Variants in FCHO2 observed in about 807,000 individuals in gnomAD.
FCHO2 encodes the protein F-BAR domain only protein 2.
In FCHO2, 43 loss-of-function variants were observed where a neutral mutation model predicts 114.1. The observed-to-expected ratio is 0.38, with a 90% CI of 0.30 to 0.49. The LOEUF is 0.49. FCHO2 is among the 20% of genes least tolerant of loss of function. The pLI, the probability that FCHO2 is intolerant of heterozygous loss-of-function variation, is 0.97. For synonymous variants in FCHO2, 293 were observed against 315.2 expected (o/e 0.93, Z 0.75); for missense variants, 807 against 950.4 (o/e 0.85, Z 1.98).
chr5:73,040,399 A>T (rs1415647002), intron 10 of FCHO2, among the ~76,000 whole-genome samples: 1 of 152,184 alleles, frequency 6.6e-6, no homozygotes, highest in African/African-American at 2.4e-5. Context: ...AGGGATGCTC[A>T]GCCTGCTTTG....
intron 18 of FCHO2, among the ~76,000 whole-genome samples, chr5:73,065,094 G>A (rs1354410761): frequency 1.3e-5 from 2 of 151,804 alleles, no homozygotes; most frequent in African/African-American, 4.8e-5. Context: ...GAAAAGCTTC[G>A]GCACCAAGTA....
At chr5:73,016,108 A>G (rs1325726245) in intron 7 of FCHO2, among the ~76,000 whole-genome samples, 1 of 152,072 alleles carries the variant, frequency 6.6e-6, no homozygotes, top group Non-Finnish European at 1.5e-5. Context: ...TTTAATGATG[A>G]CAATTTGGGG....
At chr5:72,989,591 G>A (rs549342427) in intron 3 of FCHO2, 90 bp downstream of exon 3, 4 of 895,416 alleles carry the variant, frequency 4.5e-6, no homozygotes, top group African/African-American at 3.4e-5. Context: ...CAGTTCAAAA[G>A]CATAGTAAAA....
intron 16 of FCHO2, among the ~76,000 whole-genome samples, chr5:73,057,379 T>A (rs143733587): frequency 3.1e-3 from 474 of 152,306 alleles, no homozygotes; most frequent in African/African-American, 0.011. Context: ...TAAAACTGTT[T>A]TTAGGAGTCA....
At chr5:72,972,567 G>C (rs1752616300) in intron 2 of FCHO2, among the ~76,000 whole-genome samples, 1 of 152,168 alleles carries the variant, frequency 6.6e-6, no homozygotes, top group African/African-American at 2.4e-5. Context: ...CTGAGACTTT[G>C]CTGAAGTTGC....
chr5:72,984,092 A>G (rs753774770), intron 2 of FCHO2, among the ~76,000 whole-genome samples: 2 of 152,154 alleles, frequency 1.3e-5, no homozygotes, highest in South Asian at 2.1e-4. Flanking sequence ...AGTAGTATCT[A>G]TCTTATTGTG....
chr5:73,044,754 T>A (rs1361816104), intron 11 of FCHO2, among the ~76,000 whole-genome samples: 1 of 152,150 alleles, frequency 6.6e-6, no homozygotes, highest in East Asian at 1.9e-4. Context: ...AAACATTTCA[T>A]TGACTCTTGA....
intron 2 of FCHO2, among the ~76,000 whole-genome samples, chr5:72,985,188 T>G (rs1753442320): frequency 6.6e-6 from 1 of 151,840 alleles, no homozygotes; most frequent in Non-Finnish European, 1.5e-5. Flanking sequence ...TTGGACTGAG[T>G]CTCACTCTGT....
chr5:73,046,319 A>AC (rs891416818), intron 11 of FCHO2, among the ~76,000 whole-genome samples: 9 of 150,596 alleles, frequency 6.0e-5, no homozygotes, highest in African/African-American at 1.5e-4. Flanking sequence ...CTCCTGTTTG[A>AC]CCCCCCCAAA....
chr5:73,017,838 C>T (rs1005020597), intron 8 of FCHO2, among the ~76,000 whole-genome samples: 1 of 151,830 alleles, frequency 6.6e-6, no homozygotes, highest in Non-Finnish European at 1.5e-5. Context: ...TTTGGGGATA[C>T]ACCAGTGAAC....
rs149642559 is a variant in FCHO2 at position 73,029,607 on chromosome 5, C to T, written c.797-5050C>T. Among the ~76,000 whole-genome samples the T allele has an allele frequency of 4.1e-3, 627 of 152,248 alleles. 3 individuals carry two copies. Among genetic ancestry groups the T allele is most frequent in the African/African-American group, 0.014 (595 of 41,540 alleles). On this transcript the variant is annotated intron_variant, in intron 8 of 25. Transcript: ENST00000430046. ...TCATTTATAAAGAAAAGATATTTAACTTGGCGCATGGTTCTACAGGCTTTA... is the reference window on the plus strand; with the variant it reads ...TCATTTATAAAGAAAAGATATTTAATTTGGCGCATGGTTCTACAGGCTTTA...
chr5:73,012,101 A>T (rs932404394), intron 6 of FCHO2, among the ~76,000 whole-genome samples: 1 of 152,214 alleles, frequency 6.6e-6, no homozygotes, highest in African/African-American at 2.4e-5. Context: ...TATGTGCTGT[A>T]TATTATGTGC....
rs1291135924 is a variant in FCHO2 at position 73,088,676 on chromosome 5, T to C, written c.*586T>C. ...ACATATTAATAAAGTATAAGTGATG[T>C]TTTATATGATTTTTAAAAAAAATTC... On this transcript the variant is annotated 3_prime_UTR_variant, in exon 26 of 26. Transcript: ENST00000430046. 6.6e-6 allele frequency: 1 copy of C among 152,590 alleles called. No homozygotes were observed. Among genetic ancestry groups the C allele is most frequent in the Non-Finnish European group, 1.5e-5 (1 of 68,022 alleles). The allele number at this position is 152,590 out of a possible 1,614,324, so 9.5% of individuals were successfully genotyped here.
At chr5:72,983,268 C>T (rs1580046935) in intron 2 of FCHO2, among the ~76,000 whole-genome samples, 3 of 152,212 alleles carry the variant, frequency 2.0e-5, no homozygotes, top group African/African-American at 7.2e-5. Flanking sequence ...CAGGTTTGTT[C>T]CATAGGTATA....
chr5:73,065,061 A>G (rs1758001507), intron 18 of FCHO2, among the ~76,000 whole-genome samples: 1 of 151,992 alleles, frequency 6.6e-6, no homozygotes, highest in South Asian at 2.1e-4. Flanking sequence ...GTACACAGTT[A>G]TGAAATCTTC....
chr5:72,956,768 A>T (rs950624742), intron 1 of FCHO2, among the ~76,000 whole-genome samples: 2 of 152,116 alleles, frequency 1.3e-5, no homozygotes, highest in Non-Finnish European at 2.9e-5. Context: ...GCTTAAATGC[A>T]TGGAGACCTC....
chr5:73,087,052 T>C (rs1337170883), intron 24 of FCHO2, among the ~76,000 whole-genome samples: 2 of 152,152 alleles, frequency 1.3e-5, no homozygotes, highest in Non-Finnish European at 2.9e-5. Context: ...TCCATTAGAC[T>C]GAAGTATACT....
intron 5 of FCHO2, 146 bp downstream of exon 5, chr5:72,991,010 A>G: frequency 1.2e-6 from 1 of 859,636 alleles, no homozygotes; most frequent in Non-Finnish European, 1.7e-6. Flanking sequence ...CCCAAGTAAA[A>G]CACAGGAGAT....
intron 8 of FCHO2, among the ~76,000 whole-genome samples, chr5:73,029,764 C>T (rs964529358): frequency 6.6e-6 from 1 of 152,064 alleles, no homozygotes; most frequent in Non-Finnish European, 1.5e-5. Flanking sequence ...AGGTCCCAGA[C>T]ACTCTTAAAC....
Sources: gnomAD v4.1 joint callset for allele counts (sites outside exome capture counted in the v4.1 genomes callset) on GRCh38, gnomAD v4.1.1 for gene constraint, MANE v1.5 for transcripts, NCBI Gene and HGNC (gene_info 2026-07-23, HGNC 2026-07-21) for gene names.